Variants in PHLPP1 observed in about 807,000 individuals in gnomAD.
The protein encoded by PHLPP1 is PH domain leucine-rich repeat-containing protein phosphatase 1.
PHLPP1 carries 42 observed loss-of-function variants against 117.2 expected under a neutral mutation model. The ratio of observed to expected loss-of-function variants is 0.36; its 90% CI spans 0.28 to 0.46. PHLPP1 has a LOEUF of 0.46. Ranked by LOEUF, PHLPP1 falls within the 20% of genes least tolerant of loss-of-function variation. PHLPP1 has a pLI of 1.00. For synonymous variants in PHLPP1, 1,042 were observed against 970.7 expected (o/e 1.07, Z -1.37); for missense variants, 2,084 against 2,241.9 (o/e 0.93, Z 1.42).
At chr18:62,924,089 G>C (rs1254314369) in intron 10 of PHLPP1, among the ~76,000 whole-genome samples, 1 of 152,178 alleles carries the variant, frequency 6.6e-6, no homozygotes, top group Non-Finnish European at 1.5e-5. Context: ...TAAGAAGGTA[G>C]AATAGACGGA....
intron 4 of PHLPP1, among the ~76,000 whole-genome samples, chr18:62,869,393 G>T (rs889017600): frequency 6.6e-6 from 1 of 152,180 alleles, no homozygotes; most frequent in African/African-American, 2.4e-5. Flanking sequence ...AGATATGAGT[G>T]TATAACTTGA....
chr18:62,731,035 ATTGTGCTTGCTTTTG>A (rs1260843640), intron 1 of PHLPP1, among the ~76,000 whole-genome samples: 2 of 152,032 alleles, frequency 1.3e-5, no homozygotes, highest in Non-Finnish European at 2.9e-5. Context: ...ACCTTGTTTT[ATTGTGCTTGCTTTTG>A]TTGTGCTTTG....
At chr18:62,932,995 A>G (rs1443403886) in intron 10 of PHLPP1, among the ~76,000 whole-genome samples, 2 of 152,184 alleles carry the variant, frequency 1.3e-5, no homozygotes, top group Non-Finnish European at 2.9e-5. Context: ...CAAATCAAGA[A>G]TACAATCCCA....
chr18:62,758,040 C>T (rs973495328), intron 1 of PHLPP1, among the ~76,000 whole-genome samples: 2 of 152,210 alleles, frequency 1.3e-5, no homozygotes, highest in Non-Finnish European at 2.9e-5. Context: ...GTAGAGGCAG[C>T]ATGCATTTCG....
chr18:62,877,875 A>G (rs1916087546), intron 4 of PHLPP1, among the ~76,000 whole-genome samples: 1 of 152,196 alleles, frequency 6.6e-6, no homozygotes, highest in Admixed American at 6.5e-5. Context: ...CATATAGTAC[A>G]TTTTGAAGAC....
chr18:62,844,167 T>G (rs953844658), intron 3 of PHLPP1, among the ~76,000 whole-genome samples: 2 of 151,918 alleles, frequency 1.3e-5, no homozygotes, highest in Non-Finnish European at 2.9e-5. Flanking sequence ...GCCAACATGG[T>G]CTCTACAAAA....
intron 1 of PHLPP1, among the ~76,000 whole-genome samples, chr18:62,748,138 A>T (rs984382283): frequency 1.3e-5 from 2 of 152,182 alleles, no homozygotes; most frequent in African/African-American, 4.8e-5. Flanking sequence ...TACTATATAC[A>T]TGAAGTCCTT....
At chr18:62,890,542 A>G (rs1024098182) in intron 4 of PHLPP1, among the ~76,000 whole-genome samples, 5 of 152,226 alleles carry the variant, frequency 3.3e-5, no homozygotes, top group African/African-American at 9.6e-5. Context: ...CTGGGATTAC[A>G]GGCGTGAGCC....
chr18:62,882,821 A>G (rs1023991716), intron 4 of PHLPP1, among the ~76,000 whole-genome samples: 1 of 152,078 alleles, frequency 6.6e-6, no homozygotes, highest in African/African-American at 2.4e-5. Context: ...TTATTGGAAA[A>G]GCATTAAGCT....
intron 1 of PHLPP1, among the ~76,000 whole-genome samples, chr18:62,731,774 A>G (rs944463100): frequency 6.6e-6 from 1 of 152,234 alleles, no homozygotes; most frequent in Non-Finnish European, 1.5e-5. Context: ...CAGTGAACAC[A>G]TGAATTGTAA....
chr18:62,914,102 A>G (rs1427719935), intron 8 of PHLPP1, among the ~76,000 whole-genome samples: 1 of 152,096 alleles, frequency 6.6e-6, no homozygotes, highest in Non-Finnish European at 1.5e-5. Context: ...AAATGTTTTT[A>G]AATAATTAAT....
At chr18:62,970,544 C>T (rs529873288) in intron 14 of PHLPP1, among the ~76,000 whole-genome samples, 2 of 152,202 alleles carry the variant, frequency 1.3e-5, no homozygotes, top group East Asian at 1.9e-4. Flanking sequence ...GCGGGCGGAT[C>T]GCTCGAGATC....
intron 10 of PHLPP1, among the ~76,000 whole-genome samples, chr18:62,928,556 C>T (rs1407396810): frequency 1.3e-5 from 2 of 152,164 alleles, no homozygotes; most frequent in African/African-American, 4.8e-5. Flanking sequence ...TCGTACACTG[C>T]TGGCAGGAAT....
intron 1 of PHLPP1, among the ~76,000 whole-genome samples, chr18:62,754,938 G>C (rs573965637): frequency 6.6e-6 from 1 of 152,250 alleles, no homozygotes; most frequent in South Asian, 2.1e-4. Context: ...CAAGGCCTGG[G>C]CAGCATAGCA....
At chr18:62,750,008 T>C (rs1911796377) in intron 1 of PHLPP1, among the ~76,000 whole-genome samples, 1 of 151,926 alleles carries the variant, frequency 6.6e-6, no homozygotes, top group Non-Finnish European at 1.5e-5. Flanking sequence ...AGAGCGAGAC[T>C]CCACCTCAAA....
chr18:62,760,509 A>G (rs926517253), intron 1 of PHLPP1, among the ~76,000 whole-genome samples: 2 of 152,130 alleles, frequency 1.3e-5, no homozygotes, highest in South Asian at 2.1e-4. Flanking sequence ...AGCCAGGTAG[A>G]ATTGGGTTTG....
At chr18:62,813,268 T>C (rs1326921970) in intron 1 of PHLPP1, among the ~76,000 whole-genome samples, 1 of 152,198 alleles carries the variant, frequency 6.6e-6, no homozygotes, top group African/African-American at 2.4e-5. Flanking sequence ...GAAGATACCT[T>C]CTCATACATC....
chr18:62,750,015 C>A (rs1408614385), intron 1 of PHLPP1, among the ~76,000 whole-genome samples: 1 of 151,940 alleles, frequency 6.6e-6, no homozygotes, highest in Non-Finnish European at 1.5e-5. Flanking sequence ...GACTCCACCT[C>A]AAAACAAAAG....
At chr18:62,976,493 G>A (rs1282314876) in intron 16 of PHLPP1, among the ~76,000 whole-genome samples, 1 of 152,220 alleles carries the variant, frequency 6.6e-6, no homozygotes, top group Non-Finnish European at 1.5e-5. Flanking sequence ...ATTCATGTAG[G>A]TCACAGAAAT....
Sources: allele counts gnomAD v4.1 joint callset (sites outside exome capture counted in the v4.1 genomes callset), GRCh38; gene constraint gnomAD v4.1.1; transcripts MANE v1.5; gene names NCBI Gene and HGNC (gene_info 2026-07-23, HGNC 2026-07-21).